The following GRIP1 variants were observed in gnomAD, a reference collection of about 807,000 sequenced individuals.
The protein encoded by GRIP1 is glutamate receptor interacting protein 1.
GRIP1 carries 45 observed loss-of-function variants against 129.9 expected under a neutral mutation model. That is an observed-to-expected ratio of 0.35 (90% CI 0.27 to 0.44). The LOEUF (loss-of-function observed/expected upper bound fraction) is 0.44. GRIP1 is among the 20% of genes least tolerant of loss of function. The probability of loss-of-function intolerance (pLI) is 1.00; values close to 1 mark genes in which losing one functional copy is unlikely to be tolerated. For missense variants in GRIP1, 1,196 were observed against 1,396.8 expected, an observed-to-expected ratio of 0.86 and a Z score of 2.29; for synonymous variants, 530 against 520.8, an observed-to-expected ratio of 1.02 and a Z score of -0.24.
intron 1 of GRIP1, among the ~76,000 whole-genome samples, chr12:66,772,598 CTAAAAGACTTGATCTGAAAAGG>C (rs944457758): frequency 6.6e-6 from 1 of 152,178 alleles, no homozygotes; most frequent in Non-Finnish European, 1.5e-5. Context: ...GCTACTATTA[CTAAAAGACTTGATCTGAAAAGG>C]TAAAGGCCTC....
chr12:66,362,142 CTTTTTTTTTT>C (rs10589880), intron 23 of GRIP1, among the ~76,000 whole-genome samples: 25 of 91,668 alleles, frequency 2.7e-4, no homozygotes, highest in African/African-American at 1.1e-3. Context: ...CCAATTTAAT[CTTTTTTTTTT>C]TTTTTTTTTT....
chr12:66,634,974 T>C (rs2031212827), intron 1 of GRIP1, among the ~76,000 whole-genome samples: 1 of 152,250 alleles, frequency 6.6e-6, no homozygotes, highest in South Asian at 2.1e-4. Context: ...TATTATTTGT[T>C]CATTTGGCTA....
In GRIP1 at chr12:66,588,758, C is replaced by T. The variant is rs530368583; in HGVS notation, c.136+8089G>A. Among the ~76,000 whole-genome samples, 73 of 152,044 alleles carry T rather than the reference C, an allele frequency of 4.8e-4. 1 individual carries two copies. The highest frequency in any genetic ancestry group is 1.5e-3 in the African/African-American group (62 of 41,480). ...GGCCGAGGCAGGTAGATCATGAGGT[C>T]AGGAGTTCAAGACCAGCCTGGCCAA... On this transcript the variant is annotated intron_variant, in intron 2 of 24. Coordinates refer to ENST00000359742, the MANE Select transcript of GRIP1 (RefSeq NM_001366722.1).
chr12:66,360,247 A>G (rs946213470), intron 23 of GRIP1, among the ~76,000 whole-genome samples: 1 of 151,966 alleles, frequency 6.6e-6, no homozygotes, highest in African/African-American at 2.4e-5. Context: ...CAACTGCCCA[A>G]CCAACTAAAG....
At chr12:66,445,651 T>A (rs1412514968) in intron 11 of GRIP1, 143 bp from the exon 12 acceptor site, 1 of 612,146 alleles carries the variant, frequency 1.6e-6, no homozygotes, top group East Asian at 2.7e-5. Context: ...TTAGCAAGAG[T>A]TGAAAAAGAT....
At chr12:67,017,482 C>A (rs180673230) in intron 1 of GRIP1, among the ~76,000 whole-genome samples, 3 of 151,988 alleles carry the variant, frequency 2.0e-5, no homozygotes, top group Admixed American at 2.0e-4. Flanking sequence ...AAGACAGAGG[C>A]AGGAAAAATA....
chr12:66,863,796 C>T (rs2040153793), intron 1 of GRIP1, among the ~76,000 whole-genome samples: 1 of 152,188 alleles, frequency 6.6e-6, no homozygotes, highest in South Asian at 2.1e-4. Flanking sequence ...TTATAAAATG[C>T]AATTAAAATG....
rs141431014 is a variant in GRIP1 at position 66,411,137 on chromosome 12, G to A, written c.1839-4709C>T. On this transcript the variant is annotated intron_variant, in intron 15 of 24. Coordinates refer to ENST00000359742, the MANE Select transcript of GRIP1 (RefSeq NM_001366722.1). ...CCCCAAATCACAGTGCACCTGCTCTGTCAAGCGGCAGCCAGACTGCTTTTT... is the reference window on the plus strand; with the variant it reads ...CCCCAAATCACAGTGCACCTGCTCTATCAAGCGGCAGCCAGACTGCTTTTT... 6.2e-3 allele frequency among the ~76,000 whole-genome samples: 937 copies of A among 152,302 alleles called. 3 individuals are homozygous for A. The highest frequency in any genetic ancestry group is 9.1e-3 in the Non-Finnish European group (620 of 68,020).
At chr12:66,526,136 A>T (rs77362709) in intron 5 of GRIP1, among the ~76,000 whole-genome samples, 74,355 of 150,086 alleles carry the variant, frequency 0.5, 19,142 homozygotes, top group African/African-American at 0.64. Context: ...GCCATCCCCA[A>T]CAAGCTACCA....
chr12:66,732,245 A>T (rs984849716), intron 1 of GRIP1, among the ~76,000 whole-genome samples: 1 of 152,144 alleles, frequency 6.6e-6, no homozygotes, highest in Non-Finnish European at 1.5e-5. Context: ...CAACATAAAG[A>T]TGATAAGCAT....
intron 2 of GRIP1, among the ~76,000 whole-genome samples, chr12:66,562,692 TATATATGTATGTACGTATA>T (rs1167482489): frequency 6.6e-6 from 1 of 152,206 alleles, no homozygotes; most frequent in Non-Finnish European, 1.5e-5. Flanking sequence ...GTTGCATGAT[TATATATGTATGTACGTATA>T]ATACAATGTT....
intron 1 of GRIP1, among the ~76,000 whole-genome samples, chr12:66,920,343 A>G (rs2041192697): frequency 6.6e-6 from 1 of 152,134 alleles, no homozygotes. Context: ...CCACTGGTAT[A>G]ATCACTCCTT....
chr12:66,502,982 T>C (rs76123063), intron 7 of GRIP1, among the ~76,000 whole-genome samples: 1,838 of 152,178 alleles, frequency 0.012, 42 homozygotes, highest in East Asian at 0.1. Flanking sequence ...AGGGCTCTGC[T>C]CCCCACCTAC....
At chr12:66,698,201 T>C (rs1039498361) in intron 1 of GRIP1, among the ~76,000 whole-genome samples, 2 of 152,186 alleles carry the variant, frequency 1.3e-5, no homozygotes, top group Non-Finnish European at 2.9e-5. Context: ...TCAATCAATA[T>C]GTATCTAGAC....
intron 1 of GRIP1, among the ~76,000 whole-genome samples, chr12:66,903,656 T>C (rs757759977): frequency 6.6e-6 from 1 of 152,128 alleles, no homozygotes; most frequent in Non-Finnish European, 1.5e-5. Flanking sequence ...TAGGAAACAC[T>C]ACATTTTCTC....
intron 1 of GRIP1, among the ~76,000 whole-genome samples, chr12:66,857,819 G>A (rs7963639): frequency 0.31 from 47,147 of 151,888 alleles, 7,704 homozygotes; most frequent in East Asian, 0.41. Context: ...TGTGATCAGT[G>A]AGCTTCAAAG....
chr12:66,959,845 A>G (rs1036935574), intron 1 of GRIP1, among the ~76,000 whole-genome samples: 2 of 152,170 alleles, frequency 1.3e-5, no homozygotes, highest in Non-Finnish European at 2.9e-5. Context: ...TAATTAGCTT[A>G]ATATAAGCAT....
At chr12:66,568,970 C>T (rs2062861164) in intron 2 of GRIP1, 6 of 511,692 alleles carry the variant, frequency 1.2e-5, no homozygotes, top group South Asian at 5.8e-5. Flanking sequence ...TGATACACTG[C>T]ATCTACAAGA....
intron 7 of GRIP1, among the ~76,000 whole-genome samples, chr12:66,508,756 G>C (rs929133519): frequency 3.3e-5 from 5 of 152,136 alleles, no homozygotes; most frequent in Non-Finnish European, 5.9e-5. Flanking sequence ...ACTGTCTCTC[G>C]TTACAATTAC....
Sources: allele counts gnomAD v4.1 joint callset (sites outside exome capture counted in the v4.1 genomes callset), GRCh38; gene constraint gnomAD v4.1.1; transcripts MANE v1.5; gene names NCBI Gene and HGNC (gene_info 2026-07-23, HGNC 2026-07-21).